Variants in HTR4 observed in about 807,000 individuals in gnomAD.
HTR4 encodes 5-hydroxytryptamine receptor 4.
Under a neutral mutation model 36.8 loss-of-function variants are expected in HTR4, and 16 were observed. That is an observed-to-expected ratio of 0.43 (90% CI 0.29 to 0.66). The LOEUF is 0.66. Among genes scored for constraint, HTR4 ranks in the 30% least tolerant of loss-of-function variants. HTR4 has a pLI of 0.13. For missense variants in HTR4, 438 were observed against 490.9 expected (o/e 0.89, Z 1.02); for synonymous variants, 189 against 185.1 (o/e 1.02, Z -0.17).
At chr5:148,639,119 C>T (rs1035933331) in intron 1 of HTR4, among the ~76,000 whole-genome samples, 2 of 152,054 alleles carry the variant, frequency 1.3e-5, no homozygotes, top group Non-Finnish European at 2.9e-5. Context: ...TTCTCATCAC[C>T]TCTGGACCCA....
chr5:148,499,785 C>T (rs1217511751), intron 6 of HTR4, among the ~76,000 whole-genome samples: 1 of 152,174 alleles, frequency 6.6e-6, no homozygotes, highest in East Asian at 1.9e-4. Context: ...ACATGAATGG[C>T]TTGGTGCCCT....
chr5:148,621,186 T>C (rs1157572033), intron 2 of HTR4, among the ~76,000 whole-genome samples: 1 of 152,240 alleles, frequency 6.6e-6, no homozygotes, highest in East Asian at 1.9e-4. Context: ...TAACTTCATG[T>C]CTTCCAATTC....
At chr5:148,589,055 T>C (rs1761457664) in intron 2 of HTR4, among the ~76,000 whole-genome samples, 1 of 152,178 alleles carries the variant, frequency 6.6e-6, no homozygotes, top group Non-Finnish European at 1.5e-5. Context: ...TCTTAATCGA[T>C]ACTCCACTAT....
chr5:148,526,962 C>T (rs756299601), intron 4 of HTR4, among the ~76,000 whole-genome samples: 1 of 152,034 alleles, frequency 6.6e-6, no homozygotes, highest in African/African-American at 2.4e-5. Flanking sequence ...AGTGTTTGGG[C>T]AGCACAAGTG....
chr5:148,642,841 A>G (rs1401247993), intron 1 of HTR4, among the ~76,000 whole-genome samples: 1 of 152,108 alleles, frequency 6.6e-6, no homozygotes, highest in African/African-American at 2.4e-5. Context: ...TTTTAACCTT[A>G]ATCAGCTGAT....
rs897462267 is a variant in HTR4 at position 148,654,151 on chromosome 5, C to T, written c.-137G>A. The T allele has an allele frequency of 5.1e-6, 5 of 985,608 alleles. No homozygotes were observed. Among genetic ancestry groups the T allele is most frequent in the Admixed American group, 6.2e-5 (1 of 16,256 alleles). 61.1% of individuals were successfully genotyped at this position (985,608 alleles called of 1,614,324 possible). On this transcript the variant is annotated 5_prime_UTR_variant, in exon 1 of 7. Transcript: ENST00000377888. The stretch of plus-strand genomic sequence containing the variant: ...GCCGAGCTTCTGCTGCCGCCGCTGC[C>T]GCTGCGCTCCCAGCCGCTGCCTGCG...
intron 5 of HTR4, chr5:148,520,862 T>G (rs1282760544): frequency 1.5e-6 from 2 of 1,366,602 alleles, no homozygotes; most frequent in South Asian, 2.3e-5. Context: ...ACACTTCTAA[T>G]TCACTCTTCT....
At chr5:148,614,909 A>C (rs1451390984) in intron 2 of HTR4, among the ~76,000 whole-genome samples, 2 of 152,038 alleles carry the variant, frequency 1.3e-5, no homozygotes, top group African/African-American at 2.4e-5. Context: ...ACATTTATGT[A>C]GCCAAAAAAC....
intron 1 of HTR4, among the ~76,000 whole-genome samples, chr5:148,649,670 G>A (rs964984983): frequency 1.5e-4 from 23 of 152,154 alleles, no homozygotes; most frequent in Admixed American, 6.5e-5. Context: ...AAGTACAATT[G>A]CTGAGAAAAA....
At chr5:148,564,821 A>T (rs1760366691) in intron 2 of HTR4, among the ~76,000 whole-genome samples, 2 of 152,126 alleles carry the variant, frequency 1.3e-5, no homozygotes, top group African/African-American at 2.4e-5. Flanking sequence ...TATAAAGATT[A>T]ATAAATTTGG....
chr5:148,596,424 C>A (rs535230797), intron 2 of HTR4, among the ~76,000 whole-genome samples: 1 of 152,250 alleles, frequency 6.6e-6, no homozygotes, highest in Non-Finnish European at 1.5e-5. Context: ...CCCAAGCATT[C>A]AAAGCTCTCT....
At chr5:148,492,718 G>A (rs1353091882) in intron 6 of HTR4, among the ~76,000 whole-genome samples, 2 of 152,200 alleles carry the variant, frequency 1.3e-5, no homozygotes, top group African/African-American at 4.8e-5. Context: ...CCATGAAATG[G>A]GTTCTAATAT....
At chr5:148,590,857 G>C (rs1054330370) in intron 2 of HTR4, among the ~76,000 whole-genome samples, 1 of 150,610 alleles carries the variant, frequency 6.6e-6, no homozygotes, top group African/African-American at 2.4e-5. Context: ...GTCAATTTTT[G>C]CTTTTGTTGC....
chr5:148,459,067 G>A (rs1318323271), intron 5 of HTR4, among the ~76,000 whole-genome samples: 20 of 152,152 alleles, frequency 1.3e-4, no homozygotes. Context: ...GTATTGAGAT[G>A]TAGTTGGATT....
chr5:148,599,172 A>T (rs968887973), intron 2 of HTR4, among the ~76,000 whole-genome samples: 10 of 152,190 alleles, frequency 6.6e-5, no homozygotes, highest in African/African-American at 2.2e-4. Context: ...GGTGCAAGGT[A>T]TATGCAATTG....
At chr5:148,624,083 T>C (rs1753007655) in intron 2 of HTR4, among the ~76,000 whole-genome samples, 1 of 152,060 alleles carries the variant, frequency 6.6e-6, no homozygotes, top group African/African-American at 2.4e-5. Flanking sequence ...ACAAAGAAAG[T>C]CTTAGGGGTT....
At chr5:148,530,105 G>A (rs559207565) in intron 4 of HTR4, among the ~76,000 whole-genome samples, 95 of 152,294 alleles carry the variant, frequency 6.2e-4, no homozygotes, top group African/African-American at 2.2e-3. Context: ...TATAAGGAAA[G>A]CAGAGCATAA....
At chr5:148,590,841 C>G (rs544337094) in intron 2 of HTR4, among the ~76,000 whole-genome samples, 2 of 151,816 alleles carry the variant, frequency 1.3e-5, no homozygotes, top group African/African-American at 4.8e-5. Context: ...TAATTACATA[C>G]CACTTGTCAA....
chr5:148,614,866 C>T (rs372115522), intron 2 of HTR4, among the ~76,000 whole-genome samples: 1 of 152,130 alleles, frequency 6.6e-6, no homozygotes, highest in Non-Finnish European at 1.5e-5. Flanking sequence ...AAAAAGTGGG[C>T]AAAGGACATG....
Sources: allele counts gnomAD v4.1 joint callset (sites outside exome capture counted in the v4.1 genomes callset), GRCh38; gene constraint gnomAD v4.1.1; transcripts MANE v1.5; gene names NCBI Gene and HGNC (gene_info 2026-07-23, HGNC 2026-07-21).